CTNNA3: variants seen among roughly 807,000 people sequenced by gnomAD.
The protein encoded by CTNNA3 is catenin alpha-3.
A neutral mutation model predicts 95.7 loss-of-function variants in CTNNA3; 76 were observed. The ratio of observed to expected loss-of-function variants is 0.79; its 90% CI spans 0.66 to 0.96. The LOEUF is 0.96. CTNNA3 is among the 40% of genes least tolerant of loss of function. CTNNA3 has a pLI of 0.00. For synonymous variants in CTNNA3, 431 were observed against 374.4 expected, an observed-to-expected ratio of 1.15 and a Z score of -1.74; for missense variants, 1,191 against 1,089.8, an observed-to-expected ratio of 1.09 and a Z score of -1.31.
At chr10:66,111,804 G>A (rs557126186) in intron 13 of CTNNA3, among the ~76,000 whole-genome samples, 4 of 152,224 alleles carry the variant, frequency 2.6e-5, no homozygotes, top group East Asian at 1.9e-4. Flanking sequence ...CTTGTGTTAC[G>A]GTGGGATATT....
At chr10:66,561,224 T>C (rs991701286) in intron 10 of CTNNA3, among the ~76,000 whole-genome samples, 2 of 152,162 alleles carry the variant, frequency 1.3e-5, no homozygotes, top group African/African-American at 4.8e-5. Context: ...CTGAAATTTA[T>C]CAATGTACTT....
chr10:66,388,597 A>C (rs1241914355), intron 11 of CTNNA3, among the ~76,000 whole-genome samples: 1 of 152,116 alleles, frequency 6.6e-6, no homozygotes, highest in African/African-American at 2.4e-5. Context: ...CATAGTGTTA[A>C]ATCTTGTTGA....
At chr10:67,637,332 T>C (rs1839353751) in intron 2 of CTNNA3, among the ~76,000 whole-genome samples, 1 of 152,116 alleles carries the variant, frequency 6.6e-6, no homozygotes, top group South Asian at 2.1e-4. Flanking sequence ...TAAAAAGAAA[T>C]GAACAAAGCC....
chr10:67,655,913 T>C (rs1278618225), intron 1 of CTNNA3, among the ~76,000 whole-genome samples: 3 of 151,370 alleles, frequency 2.0e-5, no homozygotes, highest in Admixed American at 1.3e-4. Flanking sequence ...TGAAACCAGA[T>C]GTTAACTGAA....
At chr10:67,045,528 G>C (rs868273428) in intron 7 of CTNNA3, among the ~76,000 whole-genome samples, 1 of 152,056 alleles carries the variant, frequency 6.6e-6, no homozygotes, top group Non-Finnish European at 1.5e-5. Flanking sequence ...AGGAAACCCC[G>C]ACCCAGAAGC....
At chr10:66,177,271 T>C (rs2131846341) in intron 13 of CTNNA3, among the ~76,000 whole-genome samples, 1 of 152,142 alleles carries the variant, frequency 6.6e-6, no homozygotes, top group African/African-American at 2.4e-5. Context: ...TATAAAATTT[T>C]CCAAATTTCC....
chr10:67,262,002 T>C (rs1198735670), intron 5 of CTNNA3, among the ~76,000 whole-genome samples: 1 of 152,182 alleles, frequency 6.6e-6, no homozygotes, highest in Non-Finnish European at 1.5e-5. Flanking sequence ...TACTATCTCA[T>C]TTAAATATAA....
At chr10:66,448,154 A>G (rs1375228534) in intron 11 of CTNNA3, among the ~76,000 whole-genome samples, 12 of 152,160 alleles carry the variant, frequency 7.9e-5, no homozygotes, top group South Asian at 4.2e-4. Context: ...TTAGAATGGC[A>G]ATCATTAAAA....
intron 15 of CTNNA3, among the ~76,000 whole-genome samples, chr10:66,037,426 G>A (rs1380761183): frequency 6.6e-6 from 1 of 152,096 alleles, no homozygotes; most frequent in Non-Finnish European, 1.5e-5. Flanking sequence ...AAGTTAAGCT[G>A]TTGCCAAGCT....
chr10:66,685,313 G>A (rs1482684927), intron 9 of CTNNA3, among the ~76,000 whole-genome samples: 348 of 30,500 alleles, frequency 0.011, 11 homozygotes, highest in African/African-American at 0.066. Context: ...ATATATGTGT[G>A]TGTGTATGTG....
At chr10:66,607,618 G>A (rs1844176810) in intron 10 of CTNNA3, among the ~76,000 whole-genome samples, 1 of 151,996 alleles carries the variant, frequency 6.6e-6, no homozygotes, top group South Asian at 2.1e-4. Context: ...GATGATCAAG[G>A]AGGCTTCATG....
intron 17 of CTNNA3, among the ~76,000 whole-genome samples, chr10:65,952,424 C>A (rs1051500724): frequency 1.3e-5 from 2 of 152,074 alleles, no homozygotes; most frequent in East Asian, 1.9e-4. Context: ...CTTTTTCTTT[C>A]TTTTATTCCT....
intron 7 of CTNNA3, among the ~76,000 whole-genome samples, chr10:66,809,191 T>C (rs952076364): frequency 3.3e-5 from 5 of 152,178 alleles, no homozygotes; most frequent in Non-Finnish European, 7.4e-5. Context: ...GTATGTGTGA[T>C]TGTGTTTAAA....
intron 5 of CTNNA3, among the ~76,000 whole-genome samples, chr10:67,379,652 T>C (rs937818578): frequency 8.5e-5 from 13 of 152,150 alleles, no homozygotes; most frequent in African/African-American, 2.4e-4. Context: ...ATACAAGCCA[T>C]CTGATCTAGA....
At chr10:65,981,555 A>G (rs931752523) in intron 16 of CTNNA3, among the ~76,000 whole-genome samples, 4 of 152,038 alleles carry the variant, frequency 2.6e-5, no homozygotes, top group Non-Finnish European at 4.4e-5. Flanking sequence ...TACTAAGCAA[A>G]AAGAAGAAAT....
chr10:66,146,597 C>G (rs1379615676), intron 13 of CTNNA3, among the ~76,000 whole-genome samples: 3 of 152,112 alleles, frequency 2.0e-5, no homozygotes, highest in African/African-American at 7.2e-5. Flanking sequence ...ACTCTCGTAA[C>G]TCAGGCTGCA....
At chr10:67,282,985 C>G (rs1839458270) in intron 5 of CTNNA3, among the ~76,000 whole-genome samples, 1 of 152,096 alleles carries the variant, frequency 6.6e-6, no homozygotes. Flanking sequence ...AAAAACAGGC[C>G]ATAAAGAAAT....
chr10:67,426,492 T>A (rs954309500), intron 5 of CTNNA3, among the ~76,000 whole-genome samples: 1 of 152,122 alleles, frequency 6.6e-6, no homozygotes, highest in Non-Finnish European at 1.5e-5. Flanking sequence ...AAGGATGAGT[T>A]CATGTCCTTT....
chr10:66,351,385 T>A (rs117249372), intron 12 of CTNNA3, among the ~76,000 whole-genome samples: 7,109 of 152,064 alleles, frequency 0.047, 267 homozygotes, highest in Non-Finnish European at 0.062. Flanking sequence ...ACCTACAATA[T>A]CAGAATAAAG....
Sources: allele counts gnomAD v4.1 joint callset (sites outside exome capture counted in the v4.1 genomes callset), GRCh38; gene constraint gnomAD v4.1.1; transcripts MANE v1.5; gene names NCBI Gene and HGNC (gene_info 2026-07-23, HGNC 2026-07-21).